Variants in HERC2 observed in about 807,000 individuals in gnomAD.
The protein encoded by HERC2 is HECT and RLD domain containing E3 ubiquitin protein ligase 2.
Under a neutral mutation model 537.7 loss-of-function variants are expected in HERC2, and 102 were observed. The ratio of observed to expected loss-of-function variants is 0.19; its 90% CI spans 0.16 to 0.22. HERC2 has a LOEUF of 0.22. Among genes scored for constraint, HERC2 ranks in the 10% least tolerant of loss-of-function variants. The pLI is 1.00. For synonymous variants in HERC2, 2,224 were observed against 2,466.2 expected, an observed-to-expected ratio of 0.90 and a Z score of 2.91; for missense variants, 4,236 against 6,198.2, an observed-to-expected ratio of 0.68 and a Z score of 10.63.
At chr15:28,320,276 G>A (rs1186615797) in intron 2 of HERC2, 4 of 152,200 alleles carry the variant, frequency 2.6e-5, no homozygotes, top group African/African-American at 9.6e-5. Flanking sequence ...CACCACGCCT[G>A]GCTAATTTTG....
At chr15:28,187,669 G>A (rs941468450) in intron 55 of HERC2, among the ~76,000 whole-genome samples, 7 of 152,096 alleles carry the variant, frequency 4.6e-5, no homozygotes, top group African/African-American at 1.7e-4. Context: ...TATCCGCATT[G>A]CTATTATCAT....
At chr15:28,238,264 T>G in intron 24 of HERC2, 47 bp from the exon 25 acceptor site, 1 of 1,250,184 alleles carries the variant, frequency 8.0e-7, no homozygotes, top group Non-Finnish European at 1.2e-6. Flanking sequence ...TCAGCTTGCC[T>G]GAAGAGATAT....
chr15:28,161,257 T>C (rs895242354), intron 69 of HERC2, among the ~76,000 whole-genome samples: 21 of 152,362 alleles, frequency 1.4e-4, no homozygotes, highest in African/African-American at 5.1e-4. Flanking sequence ...TTAATGATTT[T>C]TTTTTTAAAT....
chr15:28,114,505 A>G, intron 90 of HERC2, 107 bp downstream of exon 90: 1 of 967,464 alleles, frequency 1.0e-6, no homozygotes, highest in East Asian at 2.5e-5. Context: ...AGCCAAATCC[A>G]TTACTTTACT....
At chr15:28,283,631 G>A (rs1285130418) in intron 4 of HERC2, among the ~76,000 whole-genome samples, 2 of 152,154 alleles carry the variant, frequency 1.3e-5, no homozygotes, top group Admixed American at 6.5e-5. Flanking sequence ...GCACACCAAC[G>A]CATAAATACA....
intron 4 of HERC2, among the ~76,000 whole-genome samples, chr15:28,286,612 A>T (rs1254250448): frequency 6.6e-6 from 1 of 152,244 alleles, no homozygotes; most frequent in Non-Finnish European, 1.5e-5. Flanking sequence ...GAACTTCATC[A>T]TCTTGATAAA....
Position 28,198,703 on chromosome 15 carries a change from T to C in HERC2, c.7783A>G (p.Ile2595Val), listed in dbSNP as rs759221429. 5 of 1,614,188 alleles carry C rather than the reference T, an allele frequency of 3.1e-6. No individual in the cohort carries two copies. The highest frequency in any genetic ancestry group is 2.2e-5 in the East Asian group (1 of 44,884). ...TGCAATCCATCTCTGTCCAGCTTGA[T>C]GACTTTGCCAACATCACCTTCGCAC... ...EVCEGDVGKV[I>V]KLDRDGLHDL... is the part of the protein sequence containing the mutation. Residue 2595 changes from isoleucine (I) to valine (V), a missense_variant, in exon 49 of 93, where the codon ATC becomes GTC. Around this residue, in one of 27 missense-constraint regions of HERC2, gnomAD observed 606 missense variants for 884.5 expected, o/e 0.69. Transcript: ENST00000261609.
chr15:28,121,273 G>A (rs914224024), intron 86 of HERC2, 73 bp downstream of exon 86: 24 of 1,366,182 alleles, frequency 1.8e-5, no homozygotes, highest in Middle Eastern at 1.8e-4. Context: ...CAGCGCTCTC[G>A]TCCCAGCCCA....
chr15:28,179,339 T>G (rs1895605947), intron 57 of HERC2, 116 bp from the exon 58 acceptor site: 2 of 788,674 alleles, frequency 2.5e-6, no homozygotes, highest in South Asian at 3.6e-5. Context: ...TGTGTAACAT[T>G]TCACTCAACC....
chr15:28,196,125 C>T (rs1897324712), intron 52 of HERC2, 90 bp downstream of exon 52: 3 of 1,336,146 alleles, frequency 2.2e-6, no homozygotes, highest in Non-Finnish European at 2.1e-6. Flanking sequence ...ACATAGGAAC[C>T]TTAAAATAAC....
chr15:28,321,703 G>C (rs1295882876), intron 1 of HERC2, among the ~76,000 whole-genome samples: 2 of 125,864 alleles, frequency 1.6e-5, no homozygotes, highest in Admixed American at 7.6e-5. Flanking sequence ...ACGCTGACGA[G>C]ACCTTGAGAA....
chr15:28,226,146 T>G (rs1352097187), intron 35 of HERC2, among the ~76,000 whole-genome samples: 1 of 152,120 alleles, frequency 6.6e-6, no homozygotes, highest in Non-Finnish European at 1.5e-5. Flanking sequence ...AGGACAGAAA[T>G]AAATGGAAAG....
chr15:28,227,456 C>CAA (rs1233124884), intron 35 of HERC2, among the ~76,000 whole-genome samples: 2 of 97,676 alleles, frequency 2.0e-5, no homozygotes, highest in African/African-American at 3.8e-5. Context: ...GGCCTTCATC[C>CAA]AAAAAAAAAA....
intron 71 of HERC2, among the ~76,000 whole-genome samples, chr15:28,145,813 A>C (rs1478220243): frequency 3.9e-5 from 6 of 152,370 alleles, no homozygotes; most frequent in Middle Eastern, 3.4e-3. Context: ...CATGGAGCCC[A>C]GCAGCAGAGA....
rs1167186322 is a variant in HERC2, at chr15:28,306,439, T to C, written c.73-6923A>G. ...TAAACCCCACTTTGGTCATGATGAA[T>C]GATGTTTTTAATGTGTTGTTGAATT... is the stretch of plus-strand genomic sequence containing the variant. On this transcript the variant is annotated intron_variant, in intron 2 of 92. Transcript: ENST00000261609. Among the ~76,000 whole-genome samples the C allele has an allele frequency of 3.3e-5, 5 of 152,252 alleles. No individual in the cohort carries two copies. In the South Asian group the frequency reaches 6.2e-4, roughly 19 times the overall value.
At chr15:28,173,483 T>G (rs145199355) in intron 65 of HERC2, among the ~76,000 whole-genome samples, 28 of 152,218 alleles carry the variant, frequency 1.8e-4, no homozygotes, top group Admixed American at 9.2e-4. Context: ...TGCTGTATGA[T>G]TCTATTTATA....
chr15:28,166,943 AG>A (rs1457085568), intron 68 of HERC2, among the ~76,000 whole-genome samples: 1 of 152,262 alleles, frequency 6.6e-6, no homozygotes, highest in Non-Finnish European at 1.5e-5. Flanking sequence ...ACAGGTAGGT[AG>A]GTAGGTAGAA....
chr15:28,147,950 C>T (rs1283746650), intron 70 of HERC2, among the ~76,000 whole-genome samples: 2 of 151,188 alleles, frequency 1.3e-5, no homozygotes, highest in African/African-American at 2.4e-5. Context: ...TGGGGAAGGA[C>T]GGCTTGAGCC....
chr15:28,254,364 A>G lies in HERC2; in HGVS notation c.3026T>C (p.Val1009Ala), dbSNP rs1474443655. 6.2e-7 allele frequency: 1 copy of G among 1,604,714 alleles called. No individual in the cohort carries two copies. ...CCTAAGAAGCTGTTGTATGAGCTGA[A>G]CCAGAGGCAAACACTGTTTGCCAGA... ...ESSGKQCLPL[V>A]QLIQQLLRNI... is the part of the protein sequence containing the mutation. Residue 1009 changes from valine (V) to alanine (A), a missense_variant, in exon 20 of 93, where the codon GTT becomes GCT. Val to Ala is a moderately conservative substitution (Grantham distance 64). Around this residue, in one of 27 missense-constraint regions of HERC2, gnomAD observed 754 missense variants for 1,085.0 expected, o/e 0.69. Transcript: ENST00000261609.
Sources: gnomAD v4.1 joint callset for allele counts (sites outside exome capture counted in the v4.1 genomes callset) on GRCh38, gnomAD v4.1.1 for gene constraint, gnomAD v4.1.1 regional missense constraint, MANE v1.5 for transcripts, NCBI Gene and HGNC (gene_info 2026-07-23, HGNC 2026-07-21) for gene names.